CBLB: variants seen among roughly 807,000 people sequenced by gnomAD.
CBLB encodes the protein Cbl proto-oncogene B.
In CBLB, 31 loss-of-function variants were observed where a neutral mutation model predicts 104.9. That is an observed-to-expected ratio of 0.30 (90% CI 0.22 to 0.40). CBLB has a LOEUF of 0.40. Among genes scored for constraint, CBLB ranks in the 10% least tolerant of loss-of-function variants. The pLI is 1.00. For synonymous variants in CBLB, 440 were observed against 422.6 expected (o/e 1.04, Z -0.51); for missense variants, 1,062 against 1,214.6 (o/e 0.87, Z 1.87).
chr3:105,862,826 T>C (rs972712281), intron 2 of CBLB, among the ~76,000 whole-genome samples: 3 of 152,188 alleles, frequency 2.0e-5, no homozygotes, highest in African/African-American at 7.2e-5. Context: ...TCCATCTCAC[T>C]GGACTCCAAC....
chr3:105,750,224 A>G (rs2301032), intron 5 of CBLB, among the ~76,000 whole-genome samples: 29,393 of 151,758 alleles, frequency 0.19, 3,058 homozygotes, highest in Admixed American at 0.25. Flanking sequence ...TTCACATCCT[A>G]TATGTACTGT....
chr3:105,715,940 G>A (rs1287103544), intron 10 of CBLB, among the ~76,000 whole-genome samples: 1 of 152,202 alleles, frequency 6.6e-6, no homozygotes, highest in Non-Finnish European at 1.5e-5. Context: ...TCGGGAGGCT[G>A]AGACAGAAAA....
chr3:105,838,857 C>G (rs1470283), intron 3 of CBLB, among the ~76,000 whole-genome samples: 100,958 of 151,670 alleles, frequency 0.67, 34,845 homozygotes, highest in Middle Eastern at 0.8. Context: ...CCAGGATGGT[C>G]TTGATCTCCT....
intron 4 of CBLB, among the ~76,000 whole-genome samples, chr3:105,773,917 A>G (rs528727351): frequency 1.3e-5 from 2 of 152,376 alleles, no homozygotes; most frequent in African/African-American, 4.8e-5. Flanking sequence ...CAAGGCAGGC[A>G]GTGCCTCTTG....
chr3:105,829,732 G>A (rs566681414), intron 3 of CBLB, among the ~76,000 whole-genome samples: 1 of 136,932 alleles, frequency 7.3e-6, no homozygotes, highest in African/African-American at 2.7e-5. Context: ...TAATAATGGA[G>A]GAAGATTTCT....
intron 3 of CBLB, among the ~76,000 whole-genome samples, chr3:105,852,789 C>T (rs1349049257): frequency 1.3e-5 from 2 of 151,990 alleles, no homozygotes; most frequent in African/African-American, 4.8e-5. Context: ...ACAATCTCAG[C>T]TCACCACAAC....
At chr3:105,866,290 C>A (rs973029690) in intron 2 of CBLB, among the ~76,000 whole-genome samples, 1 of 152,180 alleles carries the variant, frequency 6.6e-6, no homozygotes, top group African/African-American at 2.4e-5. Context: ...TATGTTGCTA[C>A]TACTACTGAT....
intron 3 of CBLB, among the ~76,000 whole-genome samples, chr3:105,825,696 C>T (rs2153067194): frequency 6.6e-6 from 1 of 152,280 alleles, no homozygotes; most frequent in South Asian, 2.1e-4. Context: ...GTAAAAACAA[C>T]TCCTCATTAA....
At chr3:105,757,329 A>G (rs1270930387) in intron 4 of CBLB, among the ~76,000 whole-genome samples, 2 of 152,250 alleles carry the variant, frequency 1.3e-5, no homozygotes, top group South Asian at 4.1e-4. Context: ...GTTGAATTCC[A>G]TAAACATAAA....
chr3:105,788,539 G>A (rs773771230), intron 3 of CBLB, among the ~76,000 whole-genome samples: 14 of 152,148 alleles, frequency 9.2e-5, no homozygotes, highest in Non-Finnish European at 1.9e-4. Context: ...GTCACGGGTT[G>A]GACAAGCTTG....
At chr3:105,661,225 G>A (rs1366541861) in intron 18 of CBLB, among the ~76,000 whole-genome samples, 1 of 152,022 alleles carries the variant, frequency 6.6e-6, no homozygotes, top group Non-Finnish European at 1.5e-5. Context: ...ATAATTTCTG[G>A]TTCTTGCTAA....
intron 3 of CBLB, among the ~76,000 whole-genome samples, chr3:105,780,164 T>A (rs550143464): frequency 1.3e-3 from 190 of 143,778 alleles, no homozygotes; most frequent in Admixed American, 3.1e-3. Context: ...AATACCCATT[T>A]AAAAAAAAAA....
At chr3:105,715,952 T>C (rs911683359) in intron 10 of CBLB, among the ~76,000 whole-genome samples, 2 of 151,976 alleles carry the variant, frequency 1.3e-5, no homozygotes, top group African/African-American at 4.8e-5. Flanking sequence ...GACAGAAAAA[T>C]CACTTGAACC....
intron 4 of CBLB, among the ~76,000 whole-genome samples, chr3:105,768,676 C>T (rs1473762248): frequency 1.3e-5 from 2 of 152,170 alleles, no homozygotes; most frequent in African/African-American, 4.8e-5. Context: ...TCATTGAAGA[C>T]TCTTGCAATC....
chr3:105,692,441 A>G (rs1305292184), intron 13 of CBLB, among the ~76,000 whole-genome samples: 1 of 152,190 alleles, frequency 6.6e-6, no homozygotes, highest in South Asian at 2.1e-4. Context: ...AATCACTACA[A>G]TTGAAGAAGT....
chr3:105,780,490 G>GT lies in CBLB; in HGVS notation c.420-3949dup, dbSNP rs1306395275. Among the ~76,000 whole-genome samples, 15 of 152,104 alleles carry GT rather than the reference G, an allele frequency of 9.9e-5. No individual in the cohort carries two copies. The East Asian group carries it at 2.9e-3, about 29-fold the overall frequency. On this transcript the variant is annotated intron_variant, in intron 3 of 18. Transcript: ENST00000394030. Reference sequence around the variant, plus strand: ...GAAAAGACTCAATAATCTTACAAATGTAATTTTAATTTTAATTAATTTTAC... The same window carrying GT: ...GAAAAGACTCAATAATCTTACAAATGTTAATTTTAATTTTAATTAATTTTAC...
In CBLB at chr3:105,656,195, C is replaced by A. The variant is rs908965576; in HGVS notation, c.*2775G>T. 1 of 218,080 alleles carries A rather than the reference C, an allele frequency of 4.6e-6. No individual in the cohort carries two copies. The highest frequency in any genetic ancestry group is 2.2e-5 in the African/African-American group (1 of 44,510). The allele number at this position is 218,080 out of a possible 1,614,324, so 13.5% of individuals were successfully genotyped here. A position where few individuals can be genotyped will look rare whatever the true frequency, so the allele number is the denominator to read the frequency against. Reference sequence around the variant, plus strand: ...AGGATAAGTCCTTCTATCTCCAGAACATGTTTGGGTTGGGTGAGAAGGGTT... The same window carrying A: ...AGGATAAGTCCTTCTATCTCCAGAAAATGTTTGGGTTGGGTGAGAAGGGTT... On this transcript the variant is annotated 3_prime_UTR_variant, in exon 19 of 19. Transcript: ENST00000394030.
chr3:105,657,826 A>C lies in CBLB; in HGVS notation c.*1144T>G. The C allele has an allele frequency of 4.8e-6, 1 of 207,132 alleles. No individual in the cohort carries two copies. Among genetic ancestry groups the C allele is most frequent in the East Asian group, 7.4e-5 (1 of 13,584 alleles). The allele number at this position is 207,132 out of a possible 1,614,324, so 12.8% of individuals were successfully genotyped here. A position where few individuals can be genotyped will look rare whatever the true frequency, so the allele number is the denominator to read the frequency against. ...TTTGATTGCAGAGAGAAAATTACTG[A>C]GAACTTTGCAAAAAACATTGCCACA... On this transcript the variant is annotated 3_prime_UTR_variant, in exon 19 of 19. Transcript: ENST00000394030.
At chr3:105,747,977 T>C (rs2076267252) in intron 5 of CBLB, among the ~76,000 whole-genome samples, 1 of 152,210 alleles carries the variant, frequency 6.6e-6, no homozygotes, top group South Asian at 2.1e-4. Context: ...ATTTATGTAA[T>C]AGAATGAGTC....
Sources: gnomAD v4.1 joint callset for allele counts (sites outside exome capture counted in the v4.1 genomes callset) on GRCh38, gnomAD v4.1.1 for gene constraint, MANE v1.5 for transcripts, NCBI Gene and HGNC (gene_info 2026-07-23, HGNC 2026-07-21) for gene names.